SIL1: variants seen among roughly 807,000 people sequenced by gnomAD.
SIL1 encodes the protein nucleotide exchange factor SIL1.
Under a neutral mutation model 49.1 loss-of-function variants are expected in SIL1, and 40 were observed. The ratio of observed to expected loss-of-function variants is 0.81; its 90% CI spans 0.63 to 1.06. SIL1 has a LOEUF of 1.06. Ranked by LOEUF, SIL1 falls within the 50% of genes least tolerant of loss-of-function variation. The probability of loss-of-function intolerance (pLI) is 0.00; values close to 1 mark genes in which losing one functional copy is unlikely to be tolerated. For synonymous variants in SIL1, 253 were observed against 250.8 expected, an observed-to-expected ratio of 1.01 and a Z score of -0.08; for missense variants, 500 against 572.6, an observed-to-expected ratio of 0.87 and a Z score of 1.29.
At chr5:139,051,352 G>T in intron 3 of SIL1, 2 of 429,486 alleles carry the variant, frequency 4.7e-6, no homozygotes, top group Non-Finnish European at 4.3e-6. Flanking sequence ...GTCTTCTTGA[G>T]CTAATAAAAG....
At chr5:139,156,696 C>T (rs559383683) in intron 1 of SIL1, among the ~76,000 whole-genome samples, 1 of 152,196 alleles carries the variant, frequency 6.6e-6, no homozygotes, top group Non-Finnish European at 1.5e-5. Flanking sequence ...GTCCACAAGC[C>T]AAGGAATGCT....
chr5:138,984,863 G>C (rs1767618860), intron 7 of SIL1, among the ~76,000 whole-genome samples: 1 of 152,224 alleles, frequency 6.6e-6, no homozygotes, highest in Admixed American at 6.5e-5. Flanking sequence ...CCTCTGATAA[G>C]AACAAAGGCT....
intron 3 of SIL1, among the ~76,000 whole-genome samples, chr5:139,116,350 A>G (rs1395600483): frequency 6.6e-6 from 1 of 151,926 alleles, no homozygotes; most frequent in Non-Finnish European, 1.5e-5. Context: ...GTGTTCCTGC[A>G]CAGGCTTCCT....
intron 7 of SIL1, among the ~76,000 whole-genome samples, chr5:139,018,590 CAAAAAAAAAAA>C (rs34450224): frequency 1.4e-5 from 1 of 69,910 alleles, no homozygotes; most frequent in Admixed American, 1.6e-4. Flanking sequence ...GACCCTGACT[CAAAAAAAAAAA>C]AAAAAAAAAG....
chr5:139,016,854 T>C (rs952024143), intron 7 of SIL1: 1 of 152,142 alleles, frequency 6.6e-6, no homozygotes, highest in African/African-American at 2.4e-5. Flanking sequence ...CTACTCTTTT[T>C]TTTTTCCCCC....
chr5:139,093,138 C>CA (rs1449265719), intron 3 of SIL1, among the ~76,000 whole-genome samples: 2 of 152,158 alleles, frequency 1.3e-5, no homozygotes, highest in African/African-American at 2.4e-5. Flanking sequence ...TGTTCCCCCC[C>CA]ACAAAAGGCA....
intron 5 of SIL1, among the ~76,000 whole-genome samples, chr5:139,041,818 C>CAAAAA (rs536666463): frequency 1.2e-5 from 1 of 86,352 alleles, no homozygotes; most frequent in African/African-American, 3.6e-5. Flanking sequence ...AACTCAAAAA[C>CAAAAA]AAAAAAAAAA....
chr5:139,166,632 G>A (rs568644679), intron 1 of SIL1, among the ~76,000 whole-genome samples: 2 of 152,304 alleles, frequency 1.3e-5, no homozygotes, highest in East Asian at 3.9e-4. Flanking sequence ...ATTACAGCCT[G>A]GGCAAGGAGT....
At chr5:139,170,587 T>A (rs1751734217) in intron 1 of SIL1, among the ~76,000 whole-genome samples, 1 of 148,840 alleles carries the variant, frequency 6.7e-6, no homozygotes, top group Non-Finnish European at 1.5e-5. Flanking sequence ...GGAGCGTCTC[T>A]GCCCGGCCGC....
chr5:139,191,783 C>G (rs1467606493), intron 1 of SIL1, among the ~76,000 whole-genome samples: 1 of 151,222 alleles, frequency 6.6e-6, no homozygotes, highest in African/African-American at 2.4e-5. Context: ...AGAGTGAGAC[C>G]CTCTTAAAAA....
At chr5:139,160,050 T>C (rs572358164) in intron 1 of SIL1, among the ~76,000 whole-genome samples, 3 of 151,630 alleles carry the variant, frequency 2.0e-5, no homozygotes, top group African/African-American at 7.3e-5. Flanking sequence ...CTGGCTGAGG[T>C]ACCATTACAT....
chr5:139,048,672 T>A (rs1769223528), intron 4 of SIL1, among the ~76,000 whole-genome samples: 2 of 152,218 alleles, frequency 1.3e-5, no homozygotes, highest in Non-Finnish European at 2.9e-5. Context: ...ACCCGGCCCC[T>A]AACTCAATAT....
intron 1 of SIL1, among the ~76,000 whole-genome samples, chr5:139,144,799 A>G (rs988991325): frequency 6.6e-6 from 1 of 152,044 alleles, no homozygotes; most frequent in Non-Finnish European, 1.5e-5. Flanking sequence ...TGAACCCGGG[A>G]GGTGGAGGTT....
chr5:138,949,834 G>T (rs1204574674), intron 9 of SIL1, among the ~76,000 whole-genome samples: 2 of 149,050 alleles, frequency 1.3e-5, no homozygotes, highest in Non-Finnish European at 3.0e-5. Flanking sequence ...GAAAAGAAAA[G>T]AAAAAAGAAA....
intron 1 of SIL1, among the ~76,000 whole-genome samples, chr5:139,167,833 A>G (rs767930896): frequency 8.6e-5 from 13 of 152,014 alleles, no homozygotes; most frequent in Non-Finnish European, 1.9e-4. Context: ...TGCACTGTAC[A>G]GGGGTACTAC....
Position 139,062,876 on chromosome 5 carries a change from C to CCA in SIL1, c.245-11832_245-11831dup, listed in dbSNP as rs1409610179. Reference sequence around the variant, plus strand: ...CCTTCTGCCACAGCTTACCATGTGCCCACAAAGGGCCACTGCTGTGTTGGG... The same window carrying CCA: ...CCTTCTGCCACAGCTTACCATGTGCCCACACAAAGGGCCACTGCTGTGTTGGG... On this transcript the variant is annotated intron_variant, in intron 3 of 9. Transcript: ENST00000394817. 2.0e-5 allele frequency among the ~76,000 whole-genome samples: 3 copies of CCA among 152,330 alleles called. No homozygotes were observed. The East Asian group carries it at 5.8e-4, about 29-fold the overall frequency.
intron 3 of SIL1, among the ~76,000 whole-genome samples, chr5:139,071,053 T>C (rs569051648): frequency 2.6e-5 from 4 of 152,188 alleles, no homozygotes; most frequent in African/African-American, 9.6e-5. Context: ...GGAACCTGTG[T>C]CCGATTGAGC....
rs1316555897 is a variant in SIL1 at position 139,146,145 on chromosome 5, TCTG to T, written c.-10-18295_-10-18293del. ...AGCCATGAGCTGCTGTGCCCAGCCT[TCTG>T]CTGTATATATTTTATCATACTAAAA... On this transcript the variant is annotated intron_variant, in intron 1 of 9. Transcript: ENST00000394817. Among the ~76,000 whole-genome samples, 3 of 152,318 alleles carry T rather than the reference TCTG, an allele frequency of 2.0e-5. No homozygotes were observed. In the East Asian group the frequency reaches 5.8e-4, roughly 29 times the overall value.
intron 3 of SIL1, among the ~76,000 whole-genome samples, chr5:139,078,645 GATAA>G: frequency 6.6e-6 from 1 of 152,318 alleles, no homozygotes; most frequent in East Asian, 1.9e-4. Context: ...GATCCCAGTG[GATAA>G]AAAACCACTA....
Sources: allele counts gnomAD v4.1 joint callset (sites outside exome capture counted in the v4.1 genomes callset), GRCh38; gene constraint gnomAD v4.1.1; transcripts MANE v1.5; gene names NCBI Gene and HGNC (gene_info 2026-07-23, HGNC 2026-07-21).